SPIDR: variants seen among roughly 807,000 people sequenced by gnomAD.
SPIDR encodes the protein DNA repair-scaffolding protein.
Under a neutral mutation model 104.6 loss-of-function variants are expected in SPIDR, and 93 were observed. The observed-to-expected ratio is 0.89, with a 90% CI of 0.75 to 1.06. The LOEUF is 1.06. Among genes scored for constraint, SPIDR ranks in the 50% least tolerant of loss-of-function variants. SPIDR has a pLI of 0.00. For missense variants in SPIDR, 1,154 were observed against 1,111.2 expected (o/e 1.04, Z -0.55); for synonymous variants, 431 against 416.9 (o/e 1.03, Z -0.41).
chr8:47,488,316 C>T (rs1180128166), intron 8 of SPIDR, among the ~76,000 whole-genome samples: 6 of 152,074 alleles, frequency 3.9e-5, no homozygotes, highest in African/African-American at 9.7e-5. Flanking sequence ...AAGTTGAATG[C>T]CTGAATAGAC....
Position 47,672,755 on chromosome 8 carries a change from C to G in SPIDR, c.1545-1046C>G, listed in dbSNP as rs139600412. 5.4e-4 allele frequency among the ~76,000 whole-genome samples: 82 copies of G among 152,302 alleles called. 2 individuals are homozygous for G. The East Asian group carries it at 0.015, about 29-fold the overall frequency. On this transcript the variant is annotated intron_variant, in intron 10 of 19. Coordinates refer to ENST00000297423, the MANE Select transcript of SPIDR (RefSeq NM_001080394.4). The stretch of plus-strand genomic sequence containing the variant: ...TGGTGTTACTTCTTTTGACTATTCC[C>G]ACATGATGGTTTGTTTCTTTGTGTT...
chr8:47,414,036 G>C (rs1554673623), intron 7 of SPIDR, among the ~76,000 whole-genome samples: 2 of 152,156 alleles, frequency 1.3e-5, no homozygotes. Context: ...ACAAAATGTA[G>C]GTCTGTATCA....
intron 16 of SPIDR, among the ~76,000 whole-genome samples, chr8:47,714,109 G>GAGGCTGGTGGGCCCACC (rs974581255): frequency 6.6e-6 from 1 of 152,208 alleles, no homozygotes; most frequent in Non-Finnish European, 1.5e-5. Context: ...GGACCAAGCT[G>GAGGCTGGTGGGCCCACC]AGGCTGGTGG....
intron 5 of SPIDR, among the ~76,000 whole-genome samples, chr8:47,394,965 T>A (rs1346599318): frequency 6.6e-6 from 1 of 152,166 alleles, no homozygotes; most frequent in Non-Finnish European, 1.5e-5. Context: ...CATTTACTTT[T>A]TCTTATTTTC....
At chr8:47,512,180 C>G (rs2082433953) in intron 8 of SPIDR, 1 of 371,386 alleles carries the variant, frequency 2.7e-6, no homozygotes, top group African/African-American at 2.1e-5. Context: ...CCACTACTTT[C>G]TTATCATTTC....
intron 8 of SPIDR, among the ~76,000 whole-genome samples, chr8:47,512,483 G>A (rs973972497): frequency 2.0e-5 from 3 of 152,218 alleles, no homozygotes; most frequent in Admixed American, 1.3e-4. Flanking sequence ...TTGGGAGGAA[G>A]ACATTGTGCA....
chr8:47,649,272 CAA>C (rs112630223), intron 10 of SPIDR, among the ~76,000 whole-genome samples: 8 of 127,518 alleles, frequency 6.3e-5, no homozygotes, highest in South Asian at 2.5e-4. Flanking sequence ...GGGAAGAATG[CAA>C]AAAAAAAAAA....
chr8:47,734,374 C>A (rs1487105182), intron 19 of SPIDR, among the ~76,000 whole-genome samples: 1 of 152,154 alleles, frequency 6.6e-6, no homozygotes, highest in Non-Finnish European at 1.5e-5. Flanking sequence ...GAGACTCACA[C>A]CTTTGAAGGG....
At chr8:47,545,076 TTTCTTTC>T (rs1244354815) in intron 8 of SPIDR, among the ~76,000 whole-genome samples, 1 of 13,608 alleles carries the variant, frequency 7.3e-5, no homozygotes, top group African/African-American at 2.9e-4. Flanking sequence ...TTATCTTTTC[TTTCTTTC>T]TTTCTTTCTT....
chr8:47,347,079 C>T (rs1158796320), intron 5 of SPIDR, among the ~76,000 whole-genome samples: 1 of 152,010 alleles, frequency 6.6e-6, no homozygotes, highest in Non-Finnish European at 1.5e-5. Context: ...CTCTTGTGGG[C>T]ATTTAGAGCT....
In SPIDR at chr8:47,648,921, A is replaced by G. The variant is rs537719677; in HGVS notation, c.1545-24880A>G. On this transcript the variant is annotated intron_variant, in intron 10 of 19. Transcript: ENST00000297423. Reference sequence around the variant, plus strand: ...AATTGGAAATTTGATAAGGAATAGGATATTAGACGGTTTCACAGTATCTCC... The same window carrying G: ...AATTGGAAATTTGATAAGGAATAGGGTATTAGACGGTTTCACAGTATCTCC... Among the ~76,000 whole-genome samples the G allele has an allele frequency of 1.8e-4, 28 of 152,322 alleles. No individual in the cohort carries two copies. In the East Asian group the frequency reaches 5.4e-3, roughly 29 times the overall value.
chr8:47,566,370 A>G (rs1215876375), intron 8 of SPIDR, among the ~76,000 whole-genome samples: 1 of 151,988 alleles, frequency 6.6e-6, no homozygotes, highest in Admixed American at 6.6e-5. Context: ...CTGAAATTCC[A>G]TATTCAGTCA....
intron 8 of SPIDR, among the ~76,000 whole-genome samples, chr8:47,520,839 G>A (rs2083951006): frequency 6.6e-6 from 1 of 152,116 alleles, no homozygotes; most frequent in East Asian, 1.9e-4. Context: ...ATGAAAGTAG[G>A]GTTTGCTGAT....
chr8:47,356,464 C>A (rs2054570838), intron 5 of SPIDR, among the ~76,000 whole-genome samples: 1 of 151,838 alleles, frequency 6.6e-6, no homozygotes, highest in Non-Finnish European at 1.5e-5. Context: ...AAATTTGCAA[C>A]CATGGGAAGA....
intron 10 of SPIDR, among the ~76,000 whole-genome samples, chr8:47,646,123 A>T (rs1199151638): frequency 6.6e-6 from 1 of 152,232 alleles, no homozygotes; most frequent in East Asian, 1.9e-4. Flanking sequence ...ACAACTCAGT[A>T]TAAAAATGGG....
chr8:47,347,774 T>C (rs2052462131), intron 5 of SPIDR, among the ~76,000 whole-genome samples: 1 of 151,954 alleles, frequency 6.6e-6, no homozygotes, highest in South Asian at 2.1e-4. Flanking sequence ...CAACCCCTGC[T>C]TTTTTTTGTT....
At chr8:47,449,561 C>T (rs1253837139) in intron 8 of SPIDR, among the ~76,000 whole-genome samples, 3 of 152,126 alleles carry the variant, frequency 2.0e-5, no homozygotes, top group East Asian at 1.9e-4. Context: ...GCAGTACTAA[C>T]GATGAAAACT....
chr8:47,489,862 TA>T (rs1445987573), intron 8 of SPIDR, among the ~76,000 whole-genome samples: 7 of 152,054 alleles, frequency 4.6e-5, no homozygotes, highest in Non-Finnish European at 8.8e-5. Flanking sequence ...CAAGATGGAT[TA>T]AAGACTTAAA....
At chr8:47,666,093 T>G (rs1183150915) in intron 10 of SPIDR, among the ~76,000 whole-genome samples, 1 of 152,252 alleles carries the variant, frequency 6.6e-6, no homozygotes, top group Non-Finnish European at 1.5e-5. Flanking sequence ...TTTTAAGTAT[T>G]CATAGTTTTT....
Sources: gnomAD v4.1 joint callset for allele counts (sites outside exome capture counted in the v4.1 genomes callset) on GRCh38, gnomAD v4.1.1 for gene constraint, MANE v1.5 for transcripts, NCBI Gene and HGNC (gene_info 2026-07-23, HGNC 2026-07-21) for gene names.